PCDHGA4: variants seen among roughly 807,000 people sequenced by gnomAD.
PCDHGA4 encodes protocadherin gamma-A4.
A neutral mutation model predicts 54.6 loss-of-function variants in PCDHGA4; 38 were observed. That is an observed-to-expected ratio of 0.70 (90% CI 0.54 to 0.91). The LOEUF is 0.91. Among genes scored for constraint, PCDHGA4 ranks in the 40% least tolerant of loss-of-function variants. The pLI, the probability that PCDHGA4 is intolerant of heterozygous loss-of-function variation, is 0.00. For synonymous variants in PCDHGA4, 511 were observed against 512.9 expected, an observed-to-expected ratio of 1.00 and a Z score of 0.05; for missense variants, 1,298 against 1,220.9, an observed-to-expected ratio of 1.06 and a Z score of -0.94.
intron 1 of PCDHGA4, chr5:141,384,066 C>T (rs754340033): frequency 1.6e-5 from 25 of 1,606,462 alleles, no homozygotes; most frequent in Non-Finnish European, 2.0e-5. Context: ...TTCCAGAAAA[C>T]CTACCTTTTA....
Position 141,408,609 on chromosome 5 carries a change from A to T in PCDHGA4, c.2514+50988A>T, listed in dbSNP as rs765291231. 3 of 1,613,970 alleles carry T rather than the reference A, an allele frequency of 1.9e-6. No homozygotes were observed. The highest frequency in any genetic ancestry group is 2.5e-6 in the Non-Finnish European group (3 of 1,179,916). On this transcript the variant is annotated intron_variant, in intron 1 of 3. Coordinates refer to ENST00000571252, the MANE Select transcript of PCDHGA4 (RefSeq NM_018917.4). ...GACCACGCCCCTCAATTTGATAAAA[A>T]GGAAATACATTTAGAAATTTTCGAA...
rs748873655 is a variant in PCDHGA4 at position 141,410,002 on chromosome 5, C to A, written c.2514+52381C>A. The A allele has an allele frequency of 1.1e-5, 18 of 1,613,250 alleles. No individual in the cohort carries two copies. Among genetic ancestry groups the A allele is most frequent in the Middle Eastern group, 1.7e-4 (1 of 6,056 alleles). On this transcript the variant is annotated intron_variant, in intron 1 of 3. Coordinates refer to ENST00000571252, the MANE Select transcript of PCDHGA4 (RefSeq NM_018917.4). ...TAGCGGTGGACGCCGACTCGGGACA[C>A]AACGCCTGGCTGTCCTACCACGTGC...
At chr5:141,373,897 C>G (rs1379272131) in intron 1 of PCDHGA4, 1 of 536,936 alleles carries the variant, frequency 1.9e-6, no homozygotes, top group Non-Finnish European at 3.1e-6. Context: ...ACTCAAGTTA[C>G]ATCCTCCAAC....
At position 141,490,776 on chromosome 5, in the gene PCDHGA4, G is replaced by A. The variant is rs1234115299; in HGVS notation, c.2515-4031G>A. 4.3e-6 allele frequency: 7 copies of A among 1,614,162 alleles called. No individual in the cohort carries two copies. Among genetic ancestry groups the A allele is most frequent in the African/African-American group, 1.3e-5 (1 of 75,066 alleles). On this transcript the variant is annotated intron_variant, in intron 1 of 3. Transcript: ENST00000571252. This position sits in a 1 kb window ranked among gnomAD's most constrained non-coding sequence, Gnocchi z 5.4. ...CCTCCTTTGTGTATGTCAACCCAGA[G>A]GATGGACGGATCTTTGCCCAGCGTA...
chr5:141,374,282 G>C, intron 1 of PCDHGA4: 1 of 1,613,972 alleles, frequency 6.2e-7, no homozygotes, highest in Non-Finnish European at 8.5e-7. Context: ...AGTCCGCATC[G>C]TCTCCAGAGG....
intron 1 of PCDHGA4, chr5:141,419,533 C>A: frequency 6.2e-7 from 1 of 1,612,106 alleles, no homozygotes; most frequent in Non-Finnish European, 8.5e-7. Flanking sequence ...GTAACGACAA[C>A]GCACCGCGGG....
intron 1 of PCDHGA4, chr5:141,403,457 A>G: frequency 6.2e-7 from 1 of 1,613,982 alleles, no homozygotes; most frequent in Non-Finnish European, 8.5e-7. Context: ...CTCCCTCCAG[A>G]GCTACCAGCT....
At chr5:141,374,040 T>C (rs749671725) in intron 1 of PCDHGA4, 1 of 1,458,040 alleles carries the variant, frequency 6.9e-7, no homozygotes, top group Admixed American at 2.7e-5. Flanking sequence ...TGCAGATCTG[T>C]TCTTCCTCTT....
At chr5:141,418,800 GAT>G (rs777421725) in intron 1 of PCDHGA4, 1 of 1,613,800 alleles carries the variant, frequency 6.2e-7, no homozygotes, top group Non-Finnish European at 8.5e-7. Flanking sequence ...GAAGTAGAAA[GAT>G]ATACGATAAA....
chr5:141,374,390 C>T, intron 1 of PCDHGA4: 2 of 1,614,024 alleles, frequency 1.2e-6, no homozygotes, highest in Non-Finnish European at 1.7e-6. Flanking sequence ...CCCGCGGTGT[C>T]TGGTGAGTTT....
chr5:141,361,809 T>C (rs755899945), intron 1 of PCDHGA4: 1 of 1,612,970 alleles, frequency 6.2e-7, no homozygotes, highest in African/African-American at 1.3e-5. Context: ...TCAATGACAA[T>C]GCGCCACGGG....
chr5:141,452,914 TAAGA>T (rs1164409830), intron 1 of PCDHGA4, among the ~76,000 whole-genome samples: 1 of 152,226 alleles, frequency 6.6e-6, no homozygotes, highest in African/African-American at 2.4e-5. Flanking sequence ...CATTATACAG[TAAGA>T]AAGAGCTGCT....
chr5:141,414,550 G>A (rs773044624), intron 1 of PCDHGA4: 1 of 1,613,948 alleles, frequency 6.2e-7, no homozygotes, highest in East Asian at 2.2e-5. Flanking sequence ...CTTCTCTCAA[G>A]TCTCCTACTT....
intron 1 of PCDHGA4, chr5:141,385,485 A>T: frequency 2.8e-6 from 4 of 1,418,146 alleles, no homozygotes; most frequent in Non-Finnish European, 3.7e-6. Flanking sequence ...AATATAGAAC[A>T]CATAGGATAT....
chr5:141,430,881 A>G, intron 1 of PCDHGA4: 4 of 1,600,896 alleles, frequency 2.5e-6, no homozygotes, highest in Non-Finnish European at 3.4e-6. Flanking sequence ...GAGCTGGAGA[A>G]AGGCTCTAGG....
chr5:141,428,341 C>T, intron 1 of PCDHGA4: 1 of 602,086 alleles, frequency 1.7e-6, no homozygotes, highest in Non-Finnish European at 3.0e-6. Flanking sequence ...GCTCTTCTTC[C>T]TCGCAGTGAT....
chr5:141,487,386 G>C lies in PCDHGA4; in HGVS notation c.2515-7421G>C. On this transcript the variant is annotated intron_variant, in intron 1 of 3. Coordinates refer to ENST00000571252, the MANE Select transcript of PCDHGA4 (RefSeq NM_018917.4). The surrounding 1 kb of genome is among the most constrained non-coding windows in gnomAD (Gnocchi z 5.0). Reference sequence around the variant, plus strand: ...ACCTGTGCCTGTCTCACCAGATCTCGAAGGAGGGAGGGGCTTCCCCCTTCC... The same window carrying C: ...ACCTGTGCCTGTCTCACCAGATCTCCAAGGAGGGAGGGGCTTCCCCCTTCC... The C allele has an allele frequency of 1.2e-6, 2 of 1,614,164 alleles. No homozygotes were observed. Among genetic ancestry groups the C allele is most frequent in the South Asian group, 1.1e-5 (1 of 91,084 alleles).
chr5:141,459,044 A>T (rs2098959649), intron 1 of PCDHGA4, among the ~76,000 whole-genome samples: 1 of 152,204 alleles, frequency 6.6e-6, no homozygotes, highest in Non-Finnish European at 1.5e-5. Flanking sequence ...TACCAGCTAT[A>T]TTGAAGTATA....
chr5:141,486,162 T>G lies in PCDHGA4; in HGVS notation c.2515-8645T>G, dbSNP rs763023343. ...GCTCGCGATGGGGGTTCTCCAGCCA[T>G]GGAGCAACATTGCAGCCTTCGAGTG... On this transcript the variant is annotated intron_variant, in intron 1 of 3. Coordinates refer to ENST00000571252, the MANE Select transcript of PCDHGA4 (RefSeq NM_018917.4). The surrounding 1 kb of genome is among the most constrained non-coding windows in gnomAD (Gnocchi z 5.0). The G allele has an allele frequency of 6.2e-7, 1 of 1,614,170 alleles. No individual in the cohort carries two copies. Among genetic ancestry groups the G allele is most frequent in the Non-Finnish European group, 8.5e-7 (1 of 1,180,026 alleles).
Sources: allele counts gnomAD v4.1 joint callset (sites outside exome capture counted in the v4.1 genomes callset), GRCh38; gene constraint gnomAD v4.1.1; non-coding constraint Gnocchi (gnomAD v3.1); transcripts MANE v1.5; gene names NCBI Gene and HGNC (gene_info 2026-07-23, HGNC 2026-07-21).